The following ITSN2 variants were observed in gnomAD, a reference collection of about 807,000 sequenced individuals.
ITSN2 encodes the protein intersectin 2.
A neutral mutation model predicts 243.7 loss-of-function variants in ITSN2; 156 were observed. The observed-to-expected ratio is 0.64, with a 90% CI of 0.56 to 0.73. The LOEUF (loss-of-function observed/expected upper bound fraction) is 0.73. Ranked by LOEUF, ITSN2 falls within the 30% of genes least tolerant of loss-of-function variation. ITSN2 has a pLI of 0.00. For missense variants in ITSN2, 1,801 were observed against 1,996.1 expected, an observed-to-expected ratio of 0.90 and a Z score of 1.86; for synonymous variants, 703 against 699.9, an observed-to-expected ratio of 1.00 and a Z score of -0.07.
chr2:24,303,748 T>C, intron 9 of ITSN2, 51 bp downstream of exon 9: 1 of 1,132,536 alleles, frequency 8.8e-7, no homozygotes, highest in African/African-American at 1.5e-5. Context: ...GAGAGTTTAA[T>C]TAATTAATGC....
Position 24,204,305 on chromosome 2 carries a change from C to A in ITSN2, c.4876G>T (p.Asp1626Tyr). The A allele has an allele frequency of 6.2e-7, 1 of 1,614,108 alleles. No individual in the cohort carries two copies. Among genetic ancestry groups the A allele is most frequent in the Non-Finnish European group, 8.5e-7 (1 of 1,180,014 alleles). ...WNFNCQFFIK[D>Y]LYQDVLCLTL... ...AGACACAGCACGTCTTGGTAGAGAT[C>A]CTTAATAAAGAACTGGCAGTTAAAA... The change falls in exon 39 of 40, where the codon GAT becomes TAT. Residue 1626 changes from aspartate to tyrosine, a missense_variant. Asp to Tyr is a radical substitution (Grantham distance 160). Transcript: ENST00000355123. This position sits in a 1 kb window ranked among gnomAD's most constrained non-coding sequence, Gnocchi z 5.1.
intron 1 of ITSN2, among the ~76,000 whole-genome samples, chr2:24,344,204 C>A (rs1014655631): frequency 6.6e-6 from 1 of 152,178 alleles, no homozygotes; most frequent in African/African-American, 2.4e-5. Context: ...ATTAAGCTAT[C>A]TTCCACTGGT....
chr2:24,348,621 GAAAAGT>G (rs1687766448), intron 1 of ITSN2, among the ~76,000 whole-genome samples: 1 of 152,090 alleles, frequency 6.6e-6, no homozygotes, highest in Non-Finnish European at 1.5e-5. Flanking sequence ...AACTACAGAG[GAAAAGT>G]ACACTACAAC....
chr2:24,344,334 G>A (rs1159170113), intron 1 of ITSN2, among the ~76,000 whole-genome samples: 1 of 152,084 alleles, frequency 6.6e-6, no homozygotes, highest in African/African-American at 2.4e-5. Context: ...GAATTAATGG[G>A]TATCAAGTTG....
chr2:24,338,033 C>T (rs769138259), intron 1 of ITSN2, among the ~76,000 whole-genome samples: 3 of 152,140 alleles, frequency 2.0e-5, no homozygotes, highest in Non-Finnish European at 4.4e-5. Context: ...TAAAATTTAA[C>T]CTGAGGCTGG....
intron 2 of ITSN2, among the ~76,000 whole-genome samples, chr2:24,316,692 G>A (rs1017038610): frequency 1.3e-5 from 2 of 152,212 alleles, no homozygotes; most frequent in African/African-American, 4.8e-5. Flanking sequence ...GTTAACAACT[G>A]ACACAACCAT....
In ITSN2 at chr2:24,210,865, TGA is replaced by T; in HGVS notation, c.4170_4171del (p.Gln1391SerfsTer3). ...CTTCTCCCGAACTCCCTCATTCACT[TGA>T]GAGCACAGCTCCTCTGCCCGCTCGA... On this transcript the variant is annotated frameshift_variant, in exon 34 of 40. Transcript: ENST00000355123. LOFTEE classifies it high-confidence loss of function. The T allele has an allele frequency of 1.2e-6, 2 of 1,614,158 alleles. No individual in the cohort carries two copies. Among genetic ancestry groups the T allele is most frequent in the Non-Finnish European group, 1.7e-6 (2 of 1,180,018 alleles).
chr2:24,213,558 T>A (rs1669695629), intron 32 of ITSN2, among the ~76,000 whole-genome samples: 1 of 152,232 alleles, frequency 6.6e-6, no homozygotes, highest in Non-Finnish European at 1.5e-5. Flanking sequence ...CTTATTTCCA[T>A]ATTTTCTGAG....
At chr2:24,354,818 A>G (rs1334857960) in intron 1 of ITSN2, among the ~76,000 whole-genome samples, 3 of 152,234 alleles carry the variant, frequency 2.0e-5, no homozygotes, top group Non-Finnish European at 4.4e-5. Flanking sequence ...AAACAGTTAA[A>G]TAAAACAAAT....
intron 18 of ITSN2, 93 bp downstream of exon 18, chr2:24,275,620 T>C (rs780050612): frequency 9.7e-5 from 100 of 1,029,640 alleles, no homozygotes; most frequent in Non-Finnish European, 1.3e-4. Flanking sequence ...ATAATCCCTT[T>C]ATTTTCCTTA....
At chr2:24,217,630 A>G (rs781310947) in intron 31 of ITSN2, among the ~76,000 whole-genome samples, 87 of 152,354 alleles carry the variant, frequency 5.7e-4, no homozygotes, top group South Asian at 1.7e-3. Context: ...GCCAGGGTCA[A>G]GGACATCTTA....
chr2:24,238,467 A>G (rs1028939769), intron 29 of ITSN2, among the ~76,000 whole-genome samples: 4 of 152,194 alleles, frequency 2.6e-5, no homozygotes, highest in Non-Finnish European at 4.4e-5. Context: ...GACCACCAAC[A>G]TGATTAACTT....
At chr2:24,266,244 C>T (rs1167573063) in intron 20 of ITSN2, among the ~76,000 whole-genome samples, 1 of 152,064 alleles carries the variant, frequency 6.6e-6, no homozygotes, top group African/African-American at 2.4e-5. Context: ...TACAGTAATA[C>T]ACATTTCTTT....
chr2:24,358,829 A>C (rs1176038793), intron 1 of ITSN2, among the ~76,000 whole-genome samples: 1 of 152,208 alleles, frequency 6.6e-6, no homozygotes, highest in Non-Finnish European at 1.5e-5. Context: ...TAGCCTTGAG[A>C]TGTACCGAAC....
At chr2:24,243,742 C>T (rs1400429649) in intron 29 of ITSN2, among the ~76,000 whole-genome samples, 1 of 152,158 alleles carries the variant, frequency 6.6e-6, no homozygotes, top group East Asian at 1.9e-4. Context: ...TGTGCCCAGC[C>T]CTGCTATTTC....
At chr2:24,287,660 T>C (rs1368160512) in intron 15 of ITSN2, among the ~76,000 whole-genome samples, 2 of 152,098 alleles carry the variant, frequency 1.3e-5, no homozygotes, top group Non-Finnish European at 2.9e-5. Context: ...CCTCCAACAG[T>C]GTACATGGGT....
chr2:24,356,202 C>CAAA (rs70944742), intron 1 of ITSN2, among the ~76,000 whole-genome samples: 3 of 138,372 alleles, frequency 2.2e-5, no homozygotes, highest in African/African-American at 5.4e-5. Flanking sequence ...GACTCCATCT[C>CAAA]AAAAAAAAAA....
Position 24,328,100 on chromosome 2 carries a change from G to A in ITSN2, c.-18C>T. 6.2e-7 allele frequency: 1 copy of A among 1,613,274 alleles called. No homozygotes were observed. Among genetic ancestry groups the A allele is most frequent in the South Asian group, 1.1e-5 (1 of 90,998 alleles). ...GCCATCATGGTCCTGAGTTTTCCTTGCTAGCTCTCAGCCATCTGCAACATA... is the reference window on the plus strand; with the variant it reads ...GCCATCATGGTCCTGAGTTTTCCTTACTAGCTCTCAGCCATCTGCAACATA... On this transcript the variant is annotated 5_prime_UTR_variant, in exon 2 of 40. Transcript: ENST00000355123.
intron 2 of ITSN2, among the ~76,000 whole-genome samples, chr2:24,318,887 C>G (rs1558620654): frequency 6.6e-6 from 1 of 152,200 alleles, no homozygotes; most frequent in South Asian, 2.1e-4. Flanking sequence ...GGCAAGTGAG[C>G]ACTACCACCT....
Sources: allele counts gnomAD v4.1 joint callset (sites outside exome capture counted in the v4.1 genomes callset), GRCh38; gene constraint gnomAD v4.1.1; non-coding constraint Gnocchi (gnomAD v3.1); transcripts MANE v1.5; gene names NCBI Gene and HGNC (gene_info 2026-07-23, HGNC 2026-07-21).